Variants in MAGI3 observed in about 807,000 individuals in gnomAD.
MAGI3 encodes membrane associated guanylate kinase, WW and PDZ domain containing 3.
MAGI3 carries 43 observed loss-of-function variants against 121.8 expected under a neutral mutation model. That is an observed-to-expected ratio of 0.35 (90% CI 0.28 to 0.46). The LOEUF is 0.46. Among genes scored for constraint, MAGI3 ranks in the 20% least tolerant of loss-of-function variants. MAGI3 has a pLI of 1.00. For missense variants in MAGI3, 1,547 were observed against 1,797.3 expected (o/e 0.86, Z 2.52); for synonymous variants, 553 against 639.3 (o/e 0.86, Z 2.04).
At chr1:113,641,094 T>G (rs1164715275) in intron 9 of MAGI3, among the ~76,000 whole-genome samples, 2 of 21,050 alleles carry the variant, frequency 9.5e-5, no homozygotes, top group South Asian at 1.7e-3. Flanking sequence ...ATATATATTA[T>G]ATATATGATA....
chr1:113,683,736 A>G lies in MAGI3; in HGVS notation c.4168A>G (p.Thr1390Ala). Residue 1390 changes from threonine to alanine, a missense_variant, in exon 21 of 21, where the codon ACA becomes GCA. Thr to Ala is a moderately conservative substitution (Grantham distance 58). Transcript: ENST00000307546. Reference sequence around the variant, plus strand: ...AAATGAAAAAGGAAAGAAAGTAACCACAGGAGAAACAAGTTCTAGTAACGA... The same window carrying G: ...AAATGAAAAAGGAAAGAAAGTAACCGCAGGAGAAACAAGTTCTAGTAACGA... ...SENEKGKKVT[T>A]GETSSSNDKI... 6.2e-7 allele frequency: 1 copy of G among 1,600,118 alleles called. No individual in the cohort carries two copies. The highest frequency in any genetic ancestry group is 8.5e-7 in the Non-Finnish European group (1 of 1,172,884).
At chr1:113,537,191 G>A (rs1344961364) in intron 1 of MAGI3, among the ~76,000 whole-genome samples, 1 of 152,160 alleles carries the variant, frequency 6.6e-6, no homozygotes, top group Admixed American at 6.5e-5. Context: ...TAAGGAGGGA[G>A]CTAGAGCCGA....
intron 3 of MAGI3, among the ~76,000 whole-genome samples, chr1:113,584,560 A>C (rs1219126486): frequency 6.6e-6 from 1 of 152,280 alleles, no homozygotes; most frequent in African/African-American, 2.4e-5. Context: ...AAAAGCCTAC[A>C]TTTTTATATG....
chr1:113,403,310 G>T (rs1388790343), intron 1 of MAGI3, among the ~76,000 whole-genome samples: 1 of 152,082 alleles, frequency 6.6e-6, no homozygotes, highest in Non-Finnish European at 1.5e-5. Flanking sequence ...CATTGTAACT[G>T]CTGGAAGTCT....
At chr1:113,429,641 G>A (rs1406715638) in intron 1 of MAGI3, among the ~76,000 whole-genome samples, 1 of 152,178 alleles carries the variant, frequency 6.6e-6, no homozygotes, top group Non-Finnish European at 1.5e-5. Flanking sequence ...CCAGTCAGAG[G>A]CTGAAGTGAA....
chr1:113,641,996 C>T lies in MAGI3; in HGVS notation c.1446C>T (p.Val482=). ...DVVQMFQLVP[V]NQYVNLTLCR... Reference sequence around the variant, plus strand: ...TCCAGATGTTTCAATTGGTACCTGTCAATCAGTATGTAAACCTCACTTTAT... The same window carrying T: ...TCCAGATGTTTCAATTGGTACCTGTTAATCAGTATGTAAACCTCACTTTAT... The change falls in exon 10 of 21, where the codon GTC becomes GTT. Residue 482 remains valine (V), a synonymous_variant. Transcript: ENST00000307546. 2 of 1,614,124 alleles carry T rather than the reference C, an allele frequency of 1.2e-6. No individual in the cohort carries two copies. Among genetic ancestry groups the T allele is most frequent in the Non-Finnish European group, 1.7e-6 (2 of 1,179,988 alleles).
At position 113,640,630 on chromosome 1, in the gene MAGI3, C is replaced by T. The variant is rs142105052; in HGVS notation, c.1361-1281C>T. On this transcript the variant is annotated intron_variant, in intron 9 of 20. Coordinates refer to ENST00000307546, the MANE Select transcript of MAGI3 (RefSeq NM_001142782.2). ...CATCCTCAGTAAACTAACACAGAAACGGAAAACCAAACGCTGCATGTTCTT... is the reference window on the plus strand; with the variant it reads ...CATCCTCAGTAAACTAACACAGAAATGGAAAACCAAACGCTGCATGTTCTT... Among the ~76,000 whole-genome samples, 429 of 151,872 alleles carry T rather than the reference C, an allele frequency of 2.8e-3. 8 individuals are homozygous for T. The highest frequency in any genetic ancestry group is 0.018 in the East Asian group (95 of 5,184).
chr1:113,585,591 A>G lies in MAGI3; in HGVS notation c.758A>G (p.Asn253Ser), dbSNP rs772428954. The part of the protein sequence containing the change: ...EDKEAINGSG[N>S]AENRERHSES... ...AAGGAAGCTATTAATGGCAGTGGAA[A>G]CGCAGGTTTGTAAATAGATGAACAA... The change falls in exon 4 of 21, where the codon AAC becomes AGC. Residue 253 changes from asparagine (N) to serine (S), a missense_variant. Transcript: ENST00000307546. 2 of 1,612,556 alleles carry G rather than the reference A, an allele frequency of 1.2e-6. No homozygotes were observed. The highest frequency in any genetic ancestry group is 1.1e-5 in the South Asian group (1 of 90,890).
intron 1 of MAGI3, among the ~76,000 whole-genome samples, chr1:113,521,555 G>A (rs773828282): frequency 2.6e-5 from 4 of 151,582 alleles, no homozygotes; most frequent in Admixed American, 1.3e-4. Flanking sequence ...ACAGGTGCCC[G>A]CCACCACGCC....
At position 113,442,390 on chromosome 1, in the gene MAGI3, T is replaced by TA. The variant is rs201700990; in HGVS notation, c.316+51050dup. On this transcript the variant is annotated intron_variant, in intron 1 of 20. Transcript: ENST00000307546. ...AAGCAGTGAACACAGCATGGGGAAA[T>TA]AAAAAAAAATTAAAAGCATTTTCTA... 1.9e-3 allele frequency among the ~76,000 whole-genome samples: 280 copies of TA among 151,192 alleles called. 1 individual carries two copies. Among genetic ancestry groups the TA allele is most frequent in the African/African-American group, 6.4e-3 (265 of 41,264 alleles).
At chr1:113,406,278 G>GAAAA (rs764250269) in intron 1 of MAGI3, among the ~76,000 whole-genome samples, 1 of 74,520 alleles carries the variant, frequency 1.3e-5, no homozygotes, top group Non-Finnish European at 2.7e-5. Context: ...TTTGTCTACA[G>GAAAA]AAAAAAAAAA....
At chr1:113,494,594 A>T (rs1321437597) in intron 1 of MAGI3, among the ~76,000 whole-genome samples, 1 of 152,208 alleles carries the variant, frequency 6.6e-6, no homozygotes, top group African/African-American at 2.4e-5. Flanking sequence ...GATGTATCCC[A>T]ATATCTCTTT....
At chr1:113,413,746 C>A (rs950326378) in intron 1 of MAGI3, among the ~76,000 whole-genome samples, 1 of 151,932 alleles carries the variant, frequency 6.6e-6, no homozygotes, top group Non-Finnish European at 1.5e-5. Flanking sequence ...GCGACTTTGC[C>A]GAGGTTGCTT....
chr1:113,428,984 A>G (rs1425919525), intron 1 of MAGI3, among the ~76,000 whole-genome samples: 4 of 152,184 alleles, frequency 2.6e-5, no homozygotes. Context: ...CAGCACTCAC[A>G]TGTGTCTTGT....
chr1:113,668,916 G>A (rs1425994137), intron 16 of MAGI3, among the ~76,000 whole-genome samples: 1 of 152,206 alleles, frequency 6.6e-6, no homozygotes, highest in East Asian at 1.9e-4. Flanking sequence ...GCACCAATTT[G>A]TGGTACATTT....
intron 1 of MAGI3, among the ~76,000 whole-genome samples, chr1:113,462,507 A>G (rs1008871452): frequency 6.6e-6 from 1 of 152,186 alleles, no homozygotes; most frequent in African/African-American, 2.4e-5. Context: ...GAGCTAAATG[A>G]TAAGAACCTA....
At position 113,391,333 on chromosome 1, in the gene MAGI3, C is replaced by T. The variant is rs1476677109; in HGVS notation, c.300C>T (p.Leu100=). 2 of 1,597,116 alleles carry T rather than the reference C, an allele frequency of 1.3e-6. No individual in the cohort carries two copies. Among genetic ancestry groups the T allele is most frequent in the Non-Finnish European group, 1.7e-6 (2 of 1,172,604 alleles). The part of the protein sequence containing the change: ...VIRHFREPIR[L]KTVKPGKVIN... ...GCCACTTCCGCGAGCCCATCCGTCTCAAGACTGTGAAACCAGGTACGCCGG... is the reference window on the plus strand; with the variant it reads ...GCCACTTCCGCGAGCCCATCCGTCTTAAGACTGTGAAACCAGGTACGCCGG... Residue 100 remains leucine, a synonymous_variant, in exon 1 of 21, where the codon CTC becomes CTT. Coordinates refer to ENST00000307546, the MANE Select transcript of MAGI3 (RefSeq NM_001142782.2). This position sits in a 1 kb window ranked among gnomAD's most constrained non-coding sequence, Gnocchi z 4.4.
At chr1:113,634,377 G>A (rs1350449595) in intron 9 of MAGI3, among the ~76,000 whole-genome samples, 3 of 152,044 alleles carry the variant, frequency 2.0e-5, no homozygotes, top group Non-Finnish European at 2.9e-5. Context: ...TAGGTCTAAC[G>A]TTTAAGTCTA....
chr1:113,538,600 C>G (rs1270456166), intron 1 of MAGI3, among the ~76,000 whole-genome samples: 2 of 151,830 alleles, frequency 1.3e-5, no homozygotes, highest in Non-Finnish European at 2.9e-5. Context: ...AGAAAAGGAC[C>G]CAATTTTGAT....
Sources: gnomAD v4.1 joint callset for allele counts (sites outside exome capture counted in the v4.1 genomes callset) on GRCh38, gnomAD v4.1.1 for gene constraint, Gnocchi (gnomAD v3.1) non-coding constraint, MANE v1.5 for transcripts, NCBI Gene and HGNC (gene_info 2026-07-23, HGNC 2026-07-21) for gene names.